KCNQ1: variants seen among roughly 807,000 people sequenced by gnomAD.
KCNQ1 encodes the protein potassium voltage-gated channel subfamily KQT member 1.
KCNQ1 carries 49 observed loss-of-function variants against 72.4 expected under a neutral mutation model. The observed-to-expected ratio is 0.68, with a 90% CI of 0.54 to 0.86. The LOEUF (loss-of-function observed/expected upper bound fraction) is 0.86. Among genes scored for constraint, KCNQ1 ranks in the 40% least tolerant of loss-of-function variants. KCNQ1 has a pLI of 0.00. For missense variants in KCNQ1, 790 were observed against 945.1 expected (o/e 0.84, Z 2.15); for synonymous variants, 450 against 412.6 (o/e 1.09, Z -1.10).
chr11:2,622,421 T>C (rs1370734330), intron 10 of KCNQ1: 4 of 398,296 alleles, frequency 1.0e-5, no homozygotes, highest in African/African-American at 2.1e-5. Context: ...TCTTTCACTT[T>C]CAATCTACTT....
In KCNQ1 at chr11:2,776,210, G is replaced by C. The variant is rs77313232; in HGVS notation, c.1685+156G>C. 0.017 allele frequency among the ~76,000 whole-genome samples: 2,597 copies of C among 152,248 alleles called. 113 individuals are homozygous for C. Among genetic ancestry groups the C allele is most frequent in the East Asian group, 0.13 (691 of 5,170 alleles). ...TCCTCACCACCCCCAGCCCTGCAGAGGGAGGGCAGCTGGCCACGGCCACGG... is the reference window on the plus strand; with the variant it reads ...TCCTCACCACCCCCAGCCCTGCAGACGGAGGGCAGCTGGCCACGGCCACGG... On this transcript the variant is annotated intron_variant, in intron 13 of 15. Coordinates refer to ENST00000155840, the MANE Select transcript of KCNQ1 (RefSeq NM_000218.3).
Position 2,659,624 on chromosome 11 carries a change from C to G in KCNQ1, c.1394-2337C>G, listed in dbSNP as rs552075199. On this transcript the variant is annotated intron_variant, in intron 10 of 15. Transcript: ENST00000155840. The surrounding 1 kb of genome is among the most constrained non-coding windows in gnomAD (Gnocchi z 4.3). Reference sequence around the variant, plus strand: ...CAATTCACTTGGGTGGGAAAGGAACCGATAGGTCATGTGGTATGTGTATGT... The same window carrying G: ...CAATTCACTTGGGTGGGAAAGGAACGGATAGGTCATGTGGTATGTGTATGT... 1 of 398,308 alleles carries G rather than the reference C, an allele frequency of 2.5e-6. No homozygotes were observed. The highest frequency in any genetic ancestry group is 4.4e-6 in the Non-Finnish European group (1 of 226,028). The allele number at this position is 398,308 out of a possible 1,614,324, so 24.7% of individuals were successfully genotyped here.
rs1846776823 is a variant in KCNQ1, at chr11:2,488,433, T to C, written c.387-39495T>C. 6.6e-6 allele frequency among the ~76,000 whole-genome samples: 1 copy of C among 152,182 alleles called. No homozygotes were observed. The highest frequency in any genetic ancestry group is 1.5e-5 in the Non-Finnish European group (1 of 68,012). Reference sequence around the variant, plus strand: ...TGGGAAAGATTGAGAAGGATGGGAGTTTATTCTTTAAATATTTGGTAGGAT... The same window carrying C: ...TGGGAAAGATTGAGAAGGATGGGAGCTTATTCTTTAAATATTTGGTAGGAT... On this transcript the variant is annotated intron_variant, in intron 1 of 15. Coordinates refer to ENST00000155840, the MANE Select transcript of KCNQ1 (RefSeq NM_000218.3). The surrounding 1 kb of genome is among the most constrained non-coding windows in gnomAD (Gnocchi z 5.1).
In KCNQ1 at chr11:2,593,452, C is replaced by A. The variant is rs1021053819; in HGVS notation, c.1393+4598C>A. Among the ~76,000 whole-genome samples the A allele has an allele frequency of 1.3e-5, 2 of 152,224 alleles. No homozygotes were observed. Among genetic ancestry groups the A allele is most frequent in the Non-Finnish European group, 2.9e-5 (2 of 68,044 alleles). On this transcript the variant is annotated intron_variant, in intron 10 of 15. Transcript: ENST00000155840. The surrounding 1 kb of genome is among the most constrained non-coding windows in gnomAD (Gnocchi z 6.9). ...TGACGTAGGATCGGGCAGCACGCAC[C>A]TTTCCACCTGGCCTGGAGGTGATTC...
rs914812508 is a variant in KCNQ1, at chr11:2,536,061, C to A, written c.477+8043C>A. Among the ~76,000 whole-genome samples the A allele has an allele frequency of 9.2e-5, 14 of 152,184 alleles. No individual in the cohort carries two copies. The highest frequency in any genetic ancestry group is 2.9e-4 in the African/African-American group (12 of 41,446). On this transcript the variant is annotated intron_variant, in intron 2 of 15. Transcript: ENST00000155840. This position sits in a 1 kb window ranked among gnomAD's most constrained non-coding sequence, Gnocchi z 7.4. Reference sequence around the variant, plus strand: ...CAGCCTCACTGGCCACATGCTCTGCCGAGCACACCCGCTGCTGTCCCCAGC... The same window carrying A: ...CAGCCTCACTGGCCACATGCTCTGCAGAGCACACCCGCTGCTGTCCCCAGC...
At chr11:2,519,582 T>A (rs986515089) in intron 1 of KCNQ1, among the ~76,000 whole-genome samples, 1 of 152,066 alleles carries the variant, frequency 6.6e-6, no homozygotes, top group African/African-American at 2.4e-5. Flanking sequence ...ATCATACCAC[T>A]GTCCTCCAGC....
At chr11:2,512,729 GCCTCAGGGCC>G (rs1847230161) in intron 1 of KCNQ1, among the ~76,000 whole-genome samples, 1 of 152,216 alleles carries the variant, frequency 6.6e-6, no homozygotes, top group East Asian at 1.9e-4. Context: ...TACAGGGGAT[GCCTCAGGGCC>G]ACCACTGGTC....
Position 2,473,582 on chromosome 11 carries a change from T to C in KCNQ1, c.386+28098T>C, listed in dbSNP as rs1210099960. ...AGCATGGCACAGACGCTCAGCCGTG[T>C]CATGTGGCTTGTAGAGCGAGGGTGT... On this transcript the variant is annotated intron_variant, in intron 1 of 15. Coordinates refer to ENST00000155840, the MANE Select transcript of KCNQ1 (RefSeq NM_000218.3). This position sits in a 1 kb window ranked among gnomAD's most constrained non-coding sequence, Gnocchi z 6.0. Among the ~76,000 whole-genome samples the C allele has an allele frequency of 6.6e-6, 1 of 152,200 alleles. No homozygotes were observed.
In KCNQ1 at chr11:2,662,069, C is replaced by T; in HGVS notation, c.1502C>T (p.Thr501Ile). 1 of 1,614,232 alleles carries T rather than the reference C, an allele frequency of 6.2e-7. No homozygotes were observed. Among genetic ancestry groups the T allele is most frequent in the Non-Finnish European group, 8.5e-7 (1 of 1,180,048 alleles). Residue 501 changes from threonine (T) to isoleucine (I), a missense_variant, in exon 11 of 16, where the codon ACC becomes ATC. Transcript: ENST00000155840. ...GGGGAGACTCTGCTGACACCCATCA[C>T]CCACATCTCACAGTGAGTGCCTACA... ...LEGETLLTPI[T>I]HISQLREHHR... is the part of the protein sequence containing the mutation.
Position 2,620,705 on chromosome 11 carries a change from C to T in KCNQ1, c.1393+31851C>T. 1 of 398,464 alleles carries T rather than the reference C, an allele frequency of 2.5e-6. No homozygotes were observed. Among genetic ancestry groups the T allele is most frequent in the Non-Finnish European group, 4.4e-6 (1 of 226,038 alleles). The allele number at this position is 398,464 out of a possible 1,614,324, so 24.7% of individuals were successfully genotyped here. ...ATTTATTTTCCTTTGAATATATATCCAGTAATGGGATTGCTGGGTCAGATG... is the reference window on the plus strand; with the variant it reads ...ATTTATTTTCCTTTGAATATATATCTAGTAATGGGATTGCTGGGTCAGATG... On this transcript the variant is annotated intron_variant, in intron 10 of 15. Transcript: ENST00000155840. This position sits in a 1 kb window ranked among gnomAD's most constrained non-coding sequence, Gnocchi z 4.5.
At position 2,588,669 on chromosome 11, in the gene KCNQ1, G is replaced by T. The variant is rs374343941; in HGVS notation, c.1252-44G>T. On this transcript the variant is annotated intron_variant, in intron 9 of 15. Transcript: ENST00000155840. This position sits in a 1 kb window ranked among gnomAD's most constrained non-coding sequence, Gnocchi z 5.6. ...TCTGGGGCCGGCGTAGGGCCTGGCA[G>T]ACGATGTCCAGGAACCGCTAATCTG... 25 of 1,610,822 alleles carry T rather than the reference G, an allele frequency of 1.6e-5. No homozygotes were observed. In the African/African-American group the frequency reaches 3.2e-4, roughly 21 times the overall value.
chr11:2,499,706 TAAG>T (rs554633683), intron 1 of KCNQ1, among the ~76,000 whole-genome samples: 1 of 152,150 alleles, frequency 6.6e-6, no homozygotes, highest in African/African-American at 2.4e-5. Flanking sequence ...ATAATAACTA[TAAG>T]AAGAGACAAA....
At chr11:2,534,362 C>A (rs1377521035) in intron 2 of KCNQ1, among the ~76,000 whole-genome samples, 1 of 152,236 alleles carries the variant, frequency 6.6e-6, no homozygotes, top group East Asian at 1.9e-4. Flanking sequence ...CCCGCAGCAC[C>A]ATTTCTGCCG....
At chr11:2,523,968 G>A (rs188344019) in intron 1 of KCNQ1, among the ~76,000 whole-genome samples, 5 of 152,132 alleles carry the variant, frequency 3.3e-5, no homozygotes, top group Admixed American at 2.0e-4. Context: ...CATGGCTGTC[G>A]CTTGGCTGAA....
At chr11:2,694,138 A>G (rs755010901) in intron 11 of KCNQ1, 5 of 398,498 alleles carry the variant, frequency 1.3e-5, no homozygotes, top group African/African-American at 2.1e-5. Flanking sequence ...CAAACAAATT[A>G]TACTGCTGAC....
At position 2,784,478 on chromosome 11, in the gene KCNQ1, TTCA is replaced by T. The variant is rs1846878239; in HGVS notation, c.1794+6444_1794+6446del. On this transcript the variant is annotated intron_variant, in intron 15 of 15. Transcript: ENST00000155840. This position sits in a 1 kb window ranked among gnomAD's most constrained non-coding sequence, Gnocchi z 4.7. ...AAATTATGTAAGTTTTCTAATTTTGTTCATCTTTTTACAAATTGTTTCTGTCTA... is the reference window on the plus strand; with the variant it reads ...AAATTATGTAAGTTTTCTAATTTTGTTCTTTTTACAAATTGTTTCTGTCTA... 6.6e-6 allele frequency among the ~76,000 whole-genome samples: 1 copy of T among 151,966 alleles called. No homozygotes were observed. Among genetic ancestry groups the T allele is most frequent in the African/African-American group, 2.4e-5 (1 of 41,440 alleles).
At chr11:2,749,006 A>G (rs1386154132) in intron 11 of KCNQ1, among the ~76,000 whole-genome samples, 1 of 152,188 alleles carries the variant, frequency 6.6e-6, no homozygotes, top group African/African-American at 2.4e-5. Flanking sequence ...TGGAGCAAGG[A>G]AAGAGAGTGG....
chr11:2,799,229 G>T (rs1290404582), intron 15 of KCNQ1, among the ~76,000 whole-genome samples: 2 of 152,246 alleles, frequency 1.3e-5, no homozygotes, highest in Non-Finnish European at 2.9e-5. Context: ...GCAGGCAGGG[G>T]CCGGACCACG....
intron 1 of KCNQ1, among the ~76,000 whole-genome samples, chr11:2,485,039 TGGCGTCTGTGCAC>T: frequency 6.6e-6 from 1 of 152,186 alleles, no homozygotes; most frequent in East Asian, 1.9e-4. Context: ...CGCCTGTGCA[TGGCGTCTGTGCAC>T]GGCGCGTCTT....
Sources: gnomAD v4.1 joint callset for allele counts (sites outside exome capture counted in the v4.1 genomes callset) on GRCh38, gnomAD v4.1.1 for gene constraint, Gnocchi (gnomAD v3.1) non-coding constraint, MANE v1.5 for transcripts, NCBI Gene and HGNC (gene_info 2026-07-23, HGNC 2026-07-21) for gene names.